NRXN3: variants seen among roughly 807,000 people sequenced by gnomAD.
NRXN3 encodes the protein neurexin 3, also known as neurexin III.
A neutral mutation model predicts 137.6 loss-of-function variants in NRXN3; 32 were observed. The observed-to-expected ratio is 0.23, with a 90% confidence interval of 0.18 to 0.31. The LOEUF (loss-of-function observed/expected upper bound fraction) is 0.31. Among genes scored for constraint, NRXN3 ranks in the 10% least tolerant of loss-of-function variants. The pLI, the probability that NRXN3 is intolerant of heterozygous loss-of-function variation, is 1.00. For missense variants in NRXN3, 1,574 were observed against 2,062.5 expected (o/e 0.76, Z 4.59); for synonymous variants, 798 against 784.5 (o/e 1.02, Z -0.29).
chr14:78,732,876 T>A (rs2098523075), intron 8 of NRXN3, among the ~76,000 whole-genome samples: 1 of 152,172 alleles, frequency 6.6e-6, no homozygotes, highest in African/African-American at 2.4e-5. Flanking sequence ...GACACTTGGA[T>A]TCTCTAGGAG....
At chr14:79,024,283 C>A (rs1407669468) in intron 15 of NRXN3, among the ~76,000 whole-genome samples, 3 of 152,162 alleles carry the variant, frequency 2.0e-5, no homozygotes, top group Non-Finnish European at 4.4e-5. Flanking sequence ...TCTCTCCTTT[C>A]TCTCTTTTTT....
rs1007489703 is a variant in NRXN3 at position 79,825,851 on chromosome 14, C to T, written c.4093+20661C>T. Among the ~76,000 whole-genome samples, 4 of 152,236 alleles carry T rather than the reference C, an allele frequency of 2.6e-5. No homozygotes were observed. The East Asian group carries it at 7.7e-4, about 29-fold the overall frequency. ...CAGTTAGTAAGTTTCATGGTTGTTTCTTCTGATGTAAAAGTAACTGTAGTT... is the reference window on the plus strand; with the variant it reads ...CAGTTAGTAAGTTTCATGGTTGTTTTTTCTGATGTAAAAGTAACTGTAGTT... On this transcript the variant is annotated intron_variant, in intron 20 of 20. Transcript: ENST00000335750.
In NRXN3 at chr14:78,547,050, T is replaced by C. The variant is rs116665216; in HGVS notation, c.758-98070T>C. 3.4e-3 allele frequency among the ~76,000 whole-genome samples: 512 copies of C among 152,302 alleles called. 4 individuals are homozygous for C. The highest frequency in any genetic ancestry group is 0.011 in the African/African-American group (474 of 41,558). ...CTGAATTACATTACTTTTCTTGTCA[T>C]TTATTAAATTCTCACATATACCAGA... On this transcript the variant is annotated intron_variant, in intron 4 of 20. Transcript: ENST00000335750.
chr14:78,768,628 T>C (rs1414686264), intron 8 of NRXN3, among the ~76,000 whole-genome samples: 1 of 152,202 alleles, frequency 6.6e-6, no homozygotes, highest in Non-Finnish European at 1.5e-5. Flanking sequence ...AAAATATGTG[T>C]AAATAGTTCC....
intron 10 of NRXN3, among the ~76,000 whole-genome samples, chr14:78,848,940 G>C (rs187110832): frequency 6.6e-6 from 1 of 152,192 alleles, no homozygotes; most frequent in East Asian, 1.9e-4. Context: ...TAGGGGCCAC[G>C]GGAGCAGGAG....
chr14:79,578,293 C>T (rs566664249), intron 16 of NRXN3, among the ~76,000 whole-genome samples: 15 of 152,278 alleles, frequency 9.9e-5, no homozygotes, highest in Non-Finnish European at 2.2e-4. Flanking sequence ...AATAACTCCT[C>T]CAGGCAACAG....
chr14:79,764,292 G>T (rs936156103), intron 19 of NRXN3, among the ~76,000 whole-genome samples: 1 of 151,984 alleles, frequency 6.6e-6, no homozygotes, highest in Admixed American at 6.6e-5. Context: ...TTTTCATCCA[G>T]GTAAAGCTGA....
At position 79,549,862 on chromosome 14, in the gene NRXN3, A is replaced by G. The variant is rs187703574; in HGVS notation, c.3444+82460A>G. On this transcript the variant is annotated intron_variant, in intron 16 of 20. Coordinates refer to ENST00000335750, the MANE Select transcript of NRXN3 (RefSeq NM_001330195.2). ...CTCTGCGGTTGATTGTCTGAGACGG[A>G]TCTGCTTGCAAAGAGGCTGATTTGG... Among the ~76,000 whole-genome samples the G allele has an allele frequency of 1.7e-4, 26 of 152,180 alleles. No homozygotes were observed. In the East Asian group the frequency reaches 5.0e-3, roughly 30 times the overall value.
At chr14:78,204,350 C>T (rs2061986182) in intron 1 of NRXN3, among the ~76,000 whole-genome samples, 1 of 151,922 alleles carries the variant, frequency 6.6e-6, no homozygotes, top group South Asian at 2.1e-4. Flanking sequence ...ATATGTTTGC[C>T]ACCTTGGTTT....
chr14:79,181,040 A>G (rs1453829264), intron 15 of NRXN3, among the ~76,000 whole-genome samples: 1 of 135,644 alleles, frequency 7.4e-6, no homozygotes, highest in Non-Finnish European at 1.6e-5. Flanking sequence ...ATGTGTGTAT[A>G]TGTATGTGTC....
chr14:78,475,351 T>C (rs1160743294), intron 4 of NRXN3, among the ~76,000 whole-genome samples: 1 of 152,204 alleles, frequency 6.6e-6, no homozygotes, highest in Non-Finnish European at 1.5e-5. Flanking sequence ...TGTTAACACA[T>C]AGGGGCAAGT....
At chr14:79,490,742 A>G (rs1465423474) in intron 16 of NRXN3, among the ~76,000 whole-genome samples, 1 of 152,042 alleles carries the variant, frequency 6.6e-6, no homozygotes, top group African/African-American at 2.4e-5. Flanking sequence ...AATGAATAAA[A>G]CTTATCTGGT....
At chr14:79,577,165 G>A (rs1602360691) in intron 16 of NRXN3, among the ~76,000 whole-genome samples, 1 of 152,170 alleles carries the variant, frequency 6.6e-6, no homozygotes, top group Admixed American at 6.5e-5. Flanking sequence ...CTTCCATCAT[G>A]ATAGTGAGGC....
At chr14:79,055,141 CTA>C (rs1367670351) in intron 15 of NRXN3, among the ~76,000 whole-genome samples, 9 of 152,200 alleles carry the variant, frequency 5.9e-5, no homozygotes, top group African/African-American at 2.2e-4. Flanking sequence ...TTAGCTGTCT[CTA>C]TGTTTCCATT....
chr14:78,505,694 A>T (rs2095974581), intron 4 of NRXN3, among the ~76,000 whole-genome samples: 1 of 152,178 alleles, frequency 6.6e-6, no homozygotes, highest in African/African-American at 2.4e-5. Context: ...AAAAAATAAA[A>T]AAGCAGACTG....
rs1603620662 is a variant in NRXN3, at chr14:79,862,620, A to C, written c.*656A>C. On this transcript the variant is annotated 3_prime_UTR_variant, in exon 21 of 21. Transcript: ENST00000335750. ...GACTGGACATCAGAAGAGGAAAAAA[A>C]CTCAAAACAAAAGCGAGAGAGACTA... 6.6e-6 allele frequency: 1 copy of C among 152,548 alleles called. No individual in the cohort carries two copies. Among genetic ancestry groups the C allele is most frequent in the East Asian group, 1.9e-4 (1 of 5,182 alleles). 9.4% of individuals were successfully genotyped at this position (152,548 alleles called of 1,614,324 possible).
chr14:79,507,869 A>C (rs2153684979), intron 16 of NRXN3, among the ~76,000 whole-genome samples: 1 of 152,096 alleles, frequency 6.6e-6, no homozygotes, highest in South Asian at 2.1e-4. Context: ...AAAATGAACC[A>C]CCTCTTTTGA....
chr14:78,237,366 T>C (rs2066452742), intron 1 of NRXN3, among the ~76,000 whole-genome samples: 1 of 152,244 alleles, frequency 6.6e-6, no homozygotes, highest in Admixed American at 6.5e-5. Flanking sequence ...GGGCTTTAGG[T>C]CTGGCTAGAT....
intron 16 of NRXN3, among the ~76,000 whole-genome samples, chr14:79,532,072 A>G (rs1007059554): frequency 1.3e-5 from 2 of 152,058 alleles, no homozygotes; most frequent in East Asian, 1.9e-4. Flanking sequence ...AGTCATTTGC[A>G]CCTTTTCTAT....
Sources: gnomAD v4.1 joint callset for allele counts (sites outside exome capture counted in the v4.1 genomes callset) on GRCh38, gnomAD v4.1.1 for gene constraint, MANE v1.5 for transcripts, NCBI Gene and HGNC (gene_info 2026-07-23, HGNC 2026-07-21) for gene names.